Variants in RHBDD3 observed in about 807,000 individuals in gnomAD.
RHBDD3 encodes the protein rhomboid domain containing 3.
RHBDD3 carries 34 observed loss-of-function variants against 32.3 expected under a neutral mutation model. The ratio of observed to expected loss-of-function variants is 1.05; its 90% CI spans 0.80 to 1.40. The LOEUF (loss-of-function observed/expected upper bound fraction) is 1.40. Ranked by LOEUF, RHBDD3 falls within the 40% of genes most tolerant of loss-of-function variation. The pLI is 0.00. For missense variants in RHBDD3, 482 were observed against 492.6 expected (o/e 0.98, Z 0.20); for synonymous variants, 249 against 239.1 (o/e 1.04, Z -0.38).
rs771140526 is a variant in RHBDD3, at chr22:29,260,521, A to C, written c.788T>G (p.Val263Gly). The stretch of plus-strand genomic sequence containing the variant: ...TGAGGAGCCCTCCCAGGTGGGCTGC[A>C]CAGGCCTCAGGCTTGGTGGGGGCAG... ...SALPPPSLRPVQPTWEGSSEA... is the reference protein window; with the variant it reads ...SALPPPSLRPGQPTWEGSSEA... Residue 263 changes from valine to glycine, a missense_variant, in exon 6 of 7, where the codon GTG (valine) becomes GGG (glycine). Val to Gly is a moderately radical substitution (Grantham distance 109, BLOSUM62 -3). Coordinates refer to ENST00000216085, the MANE Select transcript of RHBDD3 (RefSeq NM_012265.3). The C allele has an allele frequency of 6.3e-7, 1 of 1,598,176 alleles. No homozygotes were observed. The highest frequency in any genetic ancestry group is 8.5e-7 in the Non-Finnish European group (1 of 1,174,828).
rs562957768 is a variant in RHBDD3 at position 29,260,779 on chromosome 22, C to T, written c.618G>A (p.Ala206=). 36 of 1,602,794 alleles carry T rather than the reference C, an allele frequency of 2.2e-5. No individual in the cohort carries two copies. Among genetic ancestry groups the T allele is most frequent in the African/African-American group, 2.0e-4 (15 of 74,734 alleles). The change falls in exon 5 of 7, where the codon GCG becomes GCA. Residue 206 remains alanine (A), a synonymous_variant. Coordinates refer to ENST00000216085, the MANE Select transcript of RHBDD3 (RefSeq NM_012265.3). ...LQEGVLCRTL[A]GCWPLRLLAT... The stretch of plus-strand genomic sequence containing the variant: ...CAAGGAGCCTCAGGGGCCAGCACCC[C>T]GCCAAGGTCCTGCACAAGACGCCCT...
Position 29,260,020 on chromosome 22 carries a change from A to G in RHBDD3, c.*40T>C. ...GCTACCCACATGCAGCCCAGCCCTT[A>G]GCACCCAAGGGCCTGCCTGTGCCCC... On this transcript the variant is annotated 3_prime_UTR_variant, in exon 7 of 7. Coordinates refer to ENST00000216085, the MANE Select transcript of RHBDD3 (RefSeq NM_012265.3). The G allele has an allele frequency of 6.5e-7, 1 of 1,539,516 alleles. No homozygotes were observed. Among genetic ancestry groups the G allele is most frequent in the Non-Finnish European group, 8.8e-7 (1 of 1,140,690 alleles).
In RHBDD3 at chr22:29,260,857, A is replaced by G; in HGVS notation, c.540T>C (p.Ala180=). 6.3e-7 allele frequency: 1 copy of G among 1,585,368 alleles called. No homozygotes were observed. The highest frequency in any genetic ancestry group is 8.6e-7 in the Non-Finnish European group (1 of 1,169,144). The part of the protein sequence containing the change: ...CGLLAGLAYA[A]GAFRWLEPSE... ...AGGGTTCCAGCCACCGGAAGGCCCCAGCTGCATCTGTCTGCCCGGGGCAGG... is the reference window on the plus strand; with the variant it reads ...AGGGTTCCAGCCACCGGAAGGCCCCGGCTGCATCTGTCTGCCCGGGGCAGG... Residue 180 remains alanine, a synonymous_variant, in exon 5 of 7, where the codon GCT becomes GCC. Transcript: ENST00000216085.
intron 6 of RHBDD3, 25 bp from the exon 7 acceptor site, chr22:29,260,262 G>C (rs186688176): frequency 1.9e-6 from 3 of 1,603,326 alleles, no homozygotes; most frequent in African/African-American, 2.7e-5. Context: ...GGGAGAAGTG[G>C]GGAGTGTCAG....
chr22:29,263,494 T>C (rs757484371), intron 4 of RHBDD3, among the ~76,000 whole-genome samples: 30 of 152,234 alleles, frequency 2.0e-4, no homozygotes, highest in Non-Finnish European at 3.5e-4. Context: ...TTAATTTTTT[T>C]AATTTTTAAT....
chr22:29,264,264 T>G, intron 3 of RHBDD3, 46 bp from the exon 4 acceptor site: 2 of 1,473,952 alleles, frequency 1.4e-6, no homozygotes, highest in Non-Finnish European at 1.8e-6. Context: ...GGCCCCAACA[T>G]CCAAGGCTGT....
In RHBDD3 at chr22:29,263,962, G is replaced by GCGGT; in HGVS notation, c.401_404dup (p.Arg137ProfsTer2). 2 of 1,550,800 alleles carry GCGGT rather than the reference G, an allele frequency of 1.3e-6. No individual in the cohort carries two copies. Among genetic ancestry groups the GCGGT allele is most frequent in the South Asian group, 2.4e-5 (2 of 84,088 alleles). On this transcript the variant is annotated frameshift_variant, in exon 4 of 7. Coordinates refer to ENST00000216085, the MANE Select transcript of RHBDD3 (RefSeq NM_012265.3). LOFTEE classifies it high-confidence loss of function. The stretch of plus-strand genomic sequence containing the variant: ...GCAGTGCCCCACGGGGCCGTCTAGG[G>GCGGT]CGGTGTCCCTCCCCAGCCAGCATGG...
chr22:29,260,261 G>A, intron 6 of RHBDD3, 24 bp from the exon 7 acceptor site: 3 of 1,603,866 alleles, frequency 1.9e-6, no homozygotes, highest in South Asian at 2.2e-5. Context: ...GGGGAGAAGT[G>A]GGGAGTGTCA....
intron 1 of RHBDD3, 69 bp downstream of exon 1, chr22:29,267,679 C>T (rs1474565423): frequency 6.2e-6 from 1 of 160,110 alleles, no homozygotes; most frequent in Non-Finnish European, 1.4e-5. Context: ...CGTTCGAGGC[C>T]TCCCACCCAG....
intron 4 of RHBDD3, among the ~76,000 whole-genome samples, chr22:29,262,241 C>T (rs2058129033): frequency 6.8e-6 from 1 of 147,510 alleles, no homozygotes. Flanking sequence ...TGGGTTCCAG[C>T]AATTCTCCTG....
In RHBDD3 at chr22:29,260,726, G is replaced by A. The variant is rs2058105129; in HGVS notation, c.671C>T (p.Pro224Leu). 1.3e-6 allele frequency: 2 copies of A among 1,591,250 alleles called. No individual in the cohort carries two copies. Among genetic ancestry groups the A allele is most frequent in the Non-Finnish European group, 1.7e-6 (2 of 1,169,444 alleles). ...CCTCACTCCGGCAGGATGGGTGACA[G>A]GCAGCTCCGCCAGGCTACCCGGGGT... is the stretch of plus-strand genomic sequence containing the variant. ...LATPGSLAEL[P>L]VTHPAGVRPP... Residue 224 changes from proline (P) to leucine (L), a missense_variant, in exon 5 of 7, where the codon CCT becomes CTT. Physicochemically the swap from Pro to Leu is moderately conservative, Grantham distance 98 (BLOSUM62 -3). Coordinates refer to ENST00000216085, the MANE Select transcript of RHBDD3 (RefSeq NM_012265.3).
In RHBDD3 at chr22:29,260,631, G is replaced by A. The variant is rs765957602; in HGVS notation, c.696-18C>T. 3 of 1,574,086 alleles carry A rather than the reference G, an allele frequency of 1.9e-6. No homozygotes were observed. The stretch of plus-strand genomic sequence containing the variant: ...TGGGAGGCCTGGAGGAGTGGGAAGA[G>A]AAGAGGGCCTGACTGGCAGCCCTGC... On this transcript the variant is annotated intron_variant, in intron 5 of 6. Transcript: ENST00000216085.
chr22:29,264,179 A>G lies in RHBDD3; in HGVS notation c.188T>C (p.Leu63Pro), dbSNP rs1415448193. ...LLTHALGHTA[L>P]PGLLLSLLLL... ...CAGCAGGCTCAGGAGCAGGCCTGGC[A>G]GGGCCGTGTGGCCCAGGGCATGGGT... The change falls in exon 4 of 7, where the codon CTG (leucine) becomes CCG (proline). Residue 63 changes from leucine to proline, a missense_variant. Physicochemically the swap from Leu to Pro is moderately conservative, Grantham distance 98. Coordinates refer to ENST00000216085, the MANE Select transcript of RHBDD3 (RefSeq NM_012265.3). 1 of 1,575,182 alleles carries G rather than the reference A, an allele frequency of 6.3e-7. No individual in the cohort carries two copies. Among genetic ancestry groups the G allele is most frequent in the African/African-American group, 1.3e-5 (1 of 74,450 alleles).
intron 2 of RHBDD3, among the ~76,000 whole-genome samples, chr22:29,266,965 T>C (rs983819975): frequency 6.6e-6 from 1 of 152,194 alleles, no homozygotes; most frequent in Non-Finnish European, 1.5e-5. Flanking sequence ...TCATGGATCT[T>C]ATCCTTAGGA....
chr22:29,265,783 G>T, intron 2 of RHBDD3, 115 bp from the exon 3 acceptor site: 1 of 1,056,272 alleles, frequency 9.5e-7, no homozygotes, highest in Non-Finnish European at 1.3e-6. Context: ...GGCTGGAGAC[G>T]CAGGCCCAGC....
Position 29,264,007 on chromosome 22 carries a change from T to C in RHBDD3, c.360A>G (p.Gly120=), listed in dbSNP as rs138725360. Residue 120 remains glycine (G), a synonymous_variant, in exon 4 of 7, where the codon GGA becomes GGG. Transcript: ENST00000216085. ...GCATGGCCAGGTGGACAGGCATGTA[T>C]CCACAGCTGCCGGCTGCACTGGACA... is the stretch of plus-strand genomic sequence containing the variant. ...LGLSSAAGSC[G]YMPVHLAMLA... 2.1e-3 allele frequency: 3,255 copies of C among 1,553,486 alleles called. 4 individuals are homozygous for C. Among genetic ancestry groups the C allele is most frequent in the Middle Eastern group, 3.2e-3 (19 of 5,944 alleles).
In RHBDD3 at chr22:29,259,943, G is replaced by A; in HGVS notation, c.*117C>T. ...TGCTGGGGGGCCTCTCCTGCCTCCAGAGGTGCCCCTGCTCCCCACTGTGGC... is the reference window on the plus strand; with the variant it reads ...TGCTGGGGGGCCTCTCCTGCCTCCAAAGGTGCCCCTGCTCCCCACTGTGGC... On this transcript the variant is annotated 3_prime_UTR_variant, in exon 7 of 7. Transcript: ENST00000216085. 9.4e-7 allele frequency: 1 copy of A among 1,062,372 alleles called. No homozygotes were observed. The highest frequency in any genetic ancestry group is 1.6e-5 in the South Asian group (1 of 62,010). 65.8% of individuals were successfully genotyped at this position (1,062,372 alleles called of 1,614,324 possible).
In RHBDD3 at chr22:29,260,389, T is replaced by C. The variant is rs995629582; in HGVS notation, c.920A>G (p.Asp307Gly). ...GCTCTGGGGTTCCTGGGCTGGCCCG[T>C]CAAGAAGCGAGGCCTGGATGCCCTC... ...LQEGIQASLLDGPAQEPQSAP... is the reference protein window; with the variant it reads ...LQEGIQASLLGGPAQEPQSAP... Residue 307 changes from aspartate to glycine, a missense_variant, in exon 6 of 7, where the codon GAC becomes GGC. Coordinates refer to ENST00000216085, the MANE Select transcript of RHBDD3 (RefSeq NM_012265.3). 15 of 1,612,386 alleles carry C rather than the reference T, an allele frequency of 9.3e-6. No individual in the cohort carries two copies. Among genetic ancestry groups the C allele is most frequent in the African/African-American group, 1.3e-5 (1 of 74,922 alleles).
chr22:29,267,024 G>C (rs2058213432), intron 2 of RHBDD3, among the ~76,000 whole-genome samples: 1 of 152,200 alleles, frequency 6.6e-6, no homozygotes, highest in Admixed American at 6.5e-5. Flanking sequence ...TGAGCTCATG[G>C]CTCCTCTGAT....
Sources: allele counts gnomAD v4.1 joint callset (sites outside exome capture counted in the v4.1 genomes callset), GRCh38; gene constraint gnomAD v4.1.1; transcripts MANE v1.5; gene names NCBI Gene and HGNC (gene_info 2026-07-23, HGNC 2026-07-21).